The following RPTOR variants were observed in gnomAD, a reference collection of about 807,000 sequenced individuals.
RPTOR encodes regulatory-associated protein of mTOR.
A neutral mutation model predicts 169.9 loss-of-function variants in RPTOR; 21 were observed. The ratio of observed to expected loss-of-function variants is 0.12; its 90% CI spans 0.09 to 0.18. The LOEUF (loss-of-function observed/expected upper bound fraction) is 0.18. Among genes scored for constraint, RPTOR ranks in the 10% least tolerant of loss-of-function variants. RPTOR has a pLI of 1.00. For synonymous variants in RPTOR, 732 were observed against 753.2 expected (o/e 0.97, Z 0.46); for missense variants, 1,133 against 1,855.9 (o/e 0.61, Z 7.16).
rs773103264 is a variant in RPTOR at position 80,625,815 on chromosome 17, G to A, written c.265+22G>A. 51 of 1,551,950 alleles carry A rather than the reference G, an allele frequency of 3.3e-5. No individual in the cohort carries two copies. In the East Asian group the frequency reaches 4.0e-4, roughly 12 times the overall value. On this transcript the variant is annotated intron_variant, in intron 2 of 33. Transcript: ENST00000306801. ...ATCGGTGAGTATGCCTCCCTCACGC[G>A]CTGCCACAAAGGCCGTCTGGCCGGC...
chr17:80,645,612 C>A (rs562575983), intron 3 of RPTOR, among the ~76,000 whole-genome samples: 1 of 152,114 alleles, frequency 6.6e-6, no homozygotes, highest in East Asian at 1.9e-4. Flanking sequence ...TTATTAGTTT[C>A]GCTTGGTAGA....
chr17:80,932,190 C>T (rs1223920276), intron 24 of RPTOR, among the ~76,000 whole-genome samples: 1 of 150,352 alleles, frequency 6.7e-6, no homozygotes, highest in Non-Finnish European at 1.5e-5. Context: ...CTGTTCTACA[C>T]ATGAAGTCTG....
chr17:80,687,260 TC>T (rs2065955607), intron 3 of RPTOR, among the ~76,000 whole-genome samples: 1 of 152,190 alleles, frequency 6.6e-6, no homozygotes, highest in Non-Finnish European at 1.5e-5. Flanking sequence ...GTTACCCTCT[TC>T]CTGTTTCTTT....
At chr17:80,884,885 C>T in intron 16 of RPTOR, 123 bp from the exon 17 acceptor site, 1 of 1,305,482 alleles carries the variant, frequency 7.7e-7, no homozygotes. Context: ...AGCCTTGGGC[C>T]TGGAGAGCTG....
chr17:80,808,337 A>G (rs986850933), intron 7 of RPTOR, among the ~76,000 whole-genome samples: 11 of 152,068 alleles, frequency 7.2e-5, no homozygotes, highest in African/African-American at 2.7e-4. Context: ...AGGTGGGAGG[A>G]TCACTTGAGT....
chr17:80,749,516 GACCT>G, intron 5 of RPTOR, among the ~76,000 whole-genome samples: 3 of 135,892 alleles, frequency 2.2e-5, no homozygotes, highest in Non-Finnish European at 4.8e-5. Context: ...GTGGCGGGAG[GACCT>G]GTTGGGTGGA....
chr17:80,743,650 C>T lies in RPTOR; in HGVS notation c.655-10360C>T, dbSNP rs868220989. On this transcript the variant is annotated intron_variant, in intron 5 of 33. Transcript: ENST00000306801. The stretch of plus-strand genomic sequence containing the variant: ...TAATTAACTCACTTTGCTACTTTGC[C>T]CTCGGCAGCAAGGGTTGAGGGCACA... Among the ~76,000 whole-genome samples the T allele has an allele frequency of 1.7e-4, 26 of 152,312 alleles. 1 individual carries two copies. The highest frequency in any genetic ancestry group is 6.8e-3 in the Middle Eastern group (2 of 294).
chr17:80,850,919 C>T (rs1002534616), intron 11 of RPTOR, among the ~76,000 whole-genome samples: 1 of 152,198 alleles, frequency 6.6e-6, no homozygotes. Context: ...TCTTCATATA[C>T]AAGGCAAATG....
intron 1 of RPTOR, among the ~76,000 whole-genome samples, chr17:80,606,376 A>C (rs2065229599): frequency 7.2e-6 from 1 of 139,480 alleles, no homozygotes; most frequent in Non-Finnish European, 1.5e-5. Flanking sequence ...ATGCCCTGCT[A>C]ATTTTTTTAT....
intron 10 of RPTOR, among the ~76,000 whole-genome samples, chr17:80,839,570 TG>T (rs11322992): frequency 0.88 from 134,468 of 152,214 alleles, 59,573 homozygotes; most frequent in African/African-American, 0.95. Flanking sequence ...CCACAAACCT[TG>T]GGGGGCAATG....
At chr17:80,888,756 G>A (rs111994095) in intron 17 of RPTOR, among the ~76,000 whole-genome samples, 2,667 of 152,320 alleles carry the variant, frequency 0.018, 84 homozygotes, top group African/African-American at 0.061. Context: ...GTGCCGGGCC[G>A]GCTGGGGCCT....
intron 4 of RPTOR, among the ~76,000 whole-genome samples, chr17:80,709,275 C>T (rs1425302986): frequency 2.0e-5 from 3 of 152,164 alleles, no homozygotes; most frequent in Non-Finnish European, 4.4e-5. Context: ...TGTAATGAAC[C>T]ACCAGGCGTG....
intron 1 of RPTOR, among the ~76,000 whole-genome samples, chr17:80,618,662 T>TA (rs2065331712): frequency 1.3e-5 from 2 of 152,296 alleles, no homozygotes; most frequent in South Asian, 4.1e-4. Context: ...GAATTTGGCC[T>TA]AAAAAAAGAG....
intron 9 of RPTOR, among the ~76,000 whole-genome samples, chr17:80,830,888 C>A (rs961428078): frequency 1.3e-5 from 2 of 151,998 alleles, no homozygotes; most frequent in Admixed American, 1.3e-4. Flanking sequence ...GTAGCTGGGA[C>A]TACAGGCACA....
chr17:80,798,519 G>T (rs1419357039), intron 7 of RPTOR, among the ~76,000 whole-genome samples: 2 of 152,066 alleles, frequency 1.3e-5, no homozygotes, highest in Non-Finnish European at 2.9e-5. Context: ...GTTCCTCCCA[G>T]ACTCCGGGGC....
At chr17:80,950,690 GC>G (rs1390273001) in intron 28 of RPTOR, among the ~76,000 whole-genome samples, 2 of 152,100 alleles carry the variant, frequency 1.3e-5, no homozygotes, top group Non-Finnish European at 2.9e-5. Context: ...GTGAGCCCCA[GC>G]CCGGGGCCCT....
At chr17:80,739,593 A>G (rs2066465471) in intron 5 of RPTOR, among the ~76,000 whole-genome samples, 1 of 152,176 alleles carries the variant, frequency 6.6e-6, no homozygotes, top group African/African-American at 2.4e-5. Context: ...ATAAACCTCA[A>G]CAAGTTTTAA....
intron 24 of RPTOR, among the ~76,000 whole-genome samples, chr17:80,930,305 C>CTCATCCCCAGT (rs2068868395): frequency 1.3e-5 from 1 of 79,766 alleles, no homozygotes; most frequent in African/African-American, 4.3e-5. Context: ...TCATCTTCAG[C>CTCATCCCCAGT]TCATCCCCAG....
At chr17:80,616,161 C>T (rs1018492074) in intron 1 of RPTOR, among the ~76,000 whole-genome samples, 2 of 152,106 alleles carry the variant, frequency 1.3e-5, no homozygotes, top group Non-Finnish European at 2.9e-5. Context: ...AAAATTAGCC[C>T]TGAATGAATG....
Sources: gnomAD v4.1 joint callset for allele counts (sites outside exome capture counted in the v4.1 genomes callset) on GRCh38, gnomAD v4.1.1 for gene constraint, MANE v1.5 for transcripts, NCBI Gene and HGNC (gene_info 2026-07-23, HGNC 2026-07-21) for gene names.